The following TLR1 variants were observed in gnomAD, a reference collection of about 807,000 sequenced individuals.
TLR1 encodes the protein toll like receptor 1.
A neutral mutation model predicts 20.2 loss-of-function variants in TLR1; 19 were observed. The observed-to-expected ratio is 0.94, with a 90% CI of 0.66 to 1.38. TLR1 has a LOEUF of 1.38. Among genes scored for constraint, TLR1 ranks in the 40% most tolerant of loss-of-function variants. TLR1 has a pLI of 0.00. For synonymous variants in TLR1, 320 were observed against 334.5 expected (o/e 0.96, Z 0.47); for missense variants, 921 against 910.0 (o/e 1.01, Z -0.16).
chr4:38,789,686 C>T (rs1579190811), downstream of TLR1, among the ~76,000 whole-genome samples: 1 of 152,146 alleles, frequency 6.6e-6, no homozygotes, highest in East Asian at 1.9e-4. Flanking sequence ...TGGTCTTGAA[C>T]TCTTGACCTC....
chr4:38,789,568 T>G (rs1476431245), downstream of TLR1, among the ~76,000 whole-genome samples: 1 of 152,048 alleles, frequency 6.6e-6, no homozygotes. Flanking sequence ...GTTCAAGTGA[T>G]TCTCATGTTT....
At chr4:38,793,361 G>C (rs1725840399), downstream of TLR1, among the ~76,000 whole-genome samples, 1 of 152,176 alleles carries the variant, frequency 6.6e-6, no homozygotes, top group African/African-American at 2.4e-5. Flanking sequence ...GAAAGTTTAA[G>C]TAACTTGTCC....
downstream of TLR1, among the ~76,000 whole-genome samples, chr4:38,788,228 A>G (rs1045466768): frequency 6.6e-6 from 1 of 152,320 alleles, no homozygotes; most frequent in Admixed American, 6.5e-5. Flanking sequence ...ACAAATAGAG[A>G]AAATTAGGAT....
chr4:38,800,077 G>A (rs1384812030), intron 3 of TLR1, among the ~76,000 whole-genome samples: 1 of 152,152 alleles, frequency 6.6e-6, no homozygotes, highest in Non-Finnish European at 1.5e-5. Context: ...GTTAGAGAAG[G>A]CCTTTTTGAG....
chr4:38,787,855 G>A (rs973899003), downstream of TLR1, among the ~76,000 whole-genome samples: 6 of 152,140 alleles, frequency 3.9e-5, no homozygotes, highest in Non-Finnish European at 8.8e-5. Flanking sequence ...CAACAAACTT[G>A]AACTCTAATG....
rs947237164 is a variant in TLR1, at chr4:38,796,298, A to G, written c.*173T>C. On this transcript the variant is annotated 3_prime_UTR_variant, in exon 4 of 4. Transcript: ENST00000308979. ...TAAATCAAAGTTATATCATTTCATTAATTTTTAATACCACATATAAATGGT... is the reference window on the plus strand; with the variant it reads ...TAAATCAAAGTTATATCATTTCATTGATTTTTAATACCACATATAAATGGT... 3 of 672,746 alleles carry G rather than the reference A, an allele frequency of 4.5e-6. No homozygotes were observed. The African/African-American group carries it at 5.4e-5, about 12-fold the overall frequency. 41.7% of individuals were successfully genotyped at this position (672,746 alleles called of 1,614,324 possible).
intron 2 of TLR1, among the ~76,000 whole-genome samples, chr4:38,802,621 C>G (rs745332710): frequency 2.0e-5 from 3 of 152,242 alleles, no homozygotes; most frequent in Non-Finnish European, 2.9e-5. Flanking sequence ...AAACTGGGCA[C>G]TTGGATCTCT....
chr4:38,798,467 G>A lies in TLR1; in HGVS notation c.365C>T (p.Ser122Leu), dbSNP rs374676728. The change falls in exon 4 of 4, where the codon TCA becomes TTA. Residue 122 changes from serine to leucine, a missense_variant. Physicochemically the swap from Ser to Leu is moderately radical, Grantham distance 145. Transcript: ENST00000308979. ...PTVNLKHLDLSFNAFDALPIC... is the reference protein window; with the variant it reads ...PTVNLKHLDLLFNAFDALPIC... ...AGGCAGGGCATCAAATGCATTAAAT[G>A]ACAGGTCCAAGTGCTTGAGGTTCAC... 20 of 1,613,950 alleles carry A rather than the reference G, an allele frequency of 1.2e-5. No homozygotes were observed. The highest frequency in any genetic ancestry group is 1.6e-5 in the Non-Finnish European group (19 of 1,179,992).
In TLR1 at chr4:38,796,772, A is replaced by C. The variant is rs753553782; in HGVS notation, c.2060T>G (p.Ile687Ser). The change falls in exon 4 of 4, where the codon ATT (isoleucine) becomes AGT (serine). Residue 687 changes from isoleucine to serine, a missense_variant. Coordinates refer to ENST00000308979, the MANE Select transcript of TLR1 (RefSeq NM_003263.4). ...AAAGATGGACTTGTAACTCTTCTCA[A>C]TGCAGGTGATGATATTTTCCACAAT... The part of the protein sequence containing the change: ...KSIVENIITC[I>S]EKSYKSIFVL... The C allele has an allele frequency of 4.3e-6, 7 of 1,614,262 alleles. No homozygotes were observed. The East Asian group carries it at 1.3e-4, about 31-fold the overall frequency.
At chr4:38,804,467 A>G (rs1726891912) in intron 1 of TLR1, 85 bp from the exon 2 acceptor site, 1 of 152,234 alleles carries the variant, frequency 6.6e-6, no homozygotes. Flanking sequence ...GAAGAAAACC[A>G]GAAGACGTGT....
downstream of TLR1, among the ~76,000 whole-genome samples, chr4:38,793,710 G>A (rs144821772): frequency 2.0e-4 from 31 of 151,976 alleles, 1 homozygote; most frequent in East Asian, 1.7e-3. Flanking sequence ...ATTCTTTTTC[G>A]GATTTACAGG....
rs1000980976 is a variant in TLR1 at position 38,798,263 on chromosome 4, T to C, written c.569A>G (p.Glu190Gly). Residue 190 changes from glutamate to glycine, a missense_variant, in exon 4 of 4, where the codon GAG becomes GGG. Glu to Gly is a moderately conservative substitution (Grantham distance 98, BLOSUM62 -2). Transcript: ENST00000308979. The part of the protein sequence containing the change: ...DPEGLQDFNT[E>G]SLHIVFPTNK... ...TGTGGGGAACACAATGTGCAGACTCTCAGTGTTAAAGTCTTGAAGGCCCTC... is the reference window on the plus strand; with the variant it reads ...TGTGGGGAACACAATGTGCAGACTCCCAGTGTTAAAGTCTTGAAGGCCCTC... 3 of 1,612,456 alleles carry C rather than the reference T, an allele frequency of 1.9e-6. No homozygotes were observed. The African/African-American group carries it at 4.0e-5, about 22-fold the overall frequency.
At chr4:38,791,470 A>C (rs578208799), downstream of TLR1, among the ~76,000 whole-genome samples, 1 of 152,308 alleles carries the variant, frequency 6.6e-6, no homozygotes, top group African/African-American at 2.4e-5. Context: ...CATGAATTTT[A>C]TCTATGATAT....
In TLR1 at chr4:38,797,044, A is replaced by G. The variant is rs1726142831; in HGVS notation, c.1788T>C (p.Thr596=). Residue 596 remains threonine (T), a synonymous_variant, in exon 4 of 4, where the codon ACT becomes ACC. Coordinates refer to ENST00000308979, the MANE Select transcript of TLR1 (RefSeq NM_003263.4). ...CCAAGTAGCTGCAGAGGGAGGTCAC[A>G]GTCACAGCCAACACCAGCATGGTGG... ...IVATMLVLAV[T]VTSLCSYLDL... is the part of the protein sequence containing the mutation. 1.2e-6 allele frequency: 2 copies of G among 1,614,198 alleles called. No individual in the cohort carries two copies. The highest frequency in any genetic ancestry group is 1.7e-6 in the Non-Finnish European group (2 of 1,180,016).
At chr4:38,793,064 AG>A (rs1465976423), downstream of TLR1, among the ~76,000 whole-genome samples, 2 of 151,948 alleles carry the variant, frequency 1.3e-5, no homozygotes, top group Non-Finnish European at 2.9e-5. Context: ...TAGCCAATAA[AG>A]GGGATTGGAG....
chr4:38,790,501 T>C (rs80091338), downstream of TLR1, among the ~76,000 whole-genome samples: 4,945 of 152,264 alleles, frequency 0.032, 301 homozygotes, highest in African/African-American at 0.11. Context: ...TTTCTCTCTC[T>C]CTGGAAGCTT....
chr4:38,789,337 G>A (rs1044167391), downstream of TLR1, among the ~76,000 whole-genome samples: 1 of 152,152 alleles, frequency 6.6e-6, no homozygotes, highest in Admixed American at 6.5e-5. Context: ...TGAAGAAAAT[G>A]TTAATAATTT....
At chr4:38,794,830 C>A (rs570783171), downstream of TLR1, among the ~76,000 whole-genome samples, 9 of 151,888 alleles carry the variant, frequency 5.9e-5, 3 homozygotes, top group African/African-American at 2.2e-4. Flanking sequence ...TGGGTTCCTT[C>A]CCACTCAAAA....
Position 38,798,818 on chromosome 4 carries a change from A to G in TLR1, c.14T>C (p.Phe5Ser). MTSI[F>S]HFAIIFMLIL... ...TAACATGAAGATAATGGCAAAATGG[A>G]AGATGCTAGTCATTTTGGAACACTA... The change falls in exon 4 of 4, where the codon TTC becomes TCC. Residue 5 changes from phenylalanine to serine, a missense_variant. Physicochemically the swap from Phe to Ser is radical, Grantham distance 155. Coordinates refer to ENST00000308979, the MANE Select transcript of TLR1 (RefSeq NM_003263.4). 6.3e-7 allele frequency: 1 copy of G among 1,596,320 alleles called. No homozygotes were observed. Among genetic ancestry groups the G allele is most frequent in the South Asian group, 1.1e-5 (1 of 88,446 alleles).
Sources: gnomAD v4.1 joint callset for allele counts (sites outside exome capture counted in the v4.1 genomes callset) on GRCh38, gnomAD v4.1.1 for gene constraint, MANE v1.5 for transcripts, NCBI Gene and HGNC (gene_info 2026-07-23, HGNC 2026-07-21) for gene names.